Variants in ADD1 observed in about 807,000 individuals in gnomAD.
ADD1 encodes adducin 1, also known as alpha-adducin.
A neutral mutation model predicts 80.5 loss-of-function variants in ADD1; 24 were observed. The ratio of observed to expected loss-of-function variants is 0.30; its 90% confidence interval spans 0.22 to 0.42. ADD1 has a LOEUF of 0.42. ADD1 is among the 10% of genes least tolerant of loss of function. ADD1 has a pLI of 1.00. For synonymous variants in ADD1, 373 were observed against 393.8 expected (o/e 0.95, Z 0.63); for missense variants, 948 against 1,019.0 (o/e 0.93, Z 0.95).
chr4:2,908,641 T>C, intron 12 of ADD1, 37 bp downstream of exon 12: 2 of 1,563,692 alleles, frequency 1.3e-6, no homozygotes, highest in South Asian at 2.2e-5. Context: ...TAGTGGGTGG[T>C]GGCTGTGTGA....
chr4:2,876,132 C>G, intron 2 of ADD1, 22 bp downstream of exon 2: 3 of 1,602,498 alleles, frequency 1.9e-6, no homozygotes. Context: ...AGTCTTTTCT[C>G]TGACCAGATG....
In ADD1 at chr4:2,865,680, C is replaced by T. The variant is rs564452888; in HGVS notation, c.-20-10216C>T. 4.6e-5 allele frequency among the ~76,000 whole-genome samples: 7 copies of T among 152,232 alleles called. No homozygotes were observed. The South Asian group carries it at 1.5e-3, about 32-fold the overall frequency. On this transcript the variant is annotated intron_variant, in intron 1 of 15. Coordinates refer to ENST00000683351, the MANE Select transcript of ADD1 (RefSeq NM_001354761.2). Reference sequence around the variant, plus strand: ...CTACAATCCTGCCAAACTTCCCTACCTTCCCCCTGCTCCAGAAAAATAAAA... The same window carrying T: ...CTACAATCCTGCCAAACTTCCCTACTTTCCCCCTGCTCCAGAAAAATAAAA...
chr4:2,928,503 A>T lies in ADD1; in HGVS notation c.2380A>T (p.Lys794Ter). The T allele has an allele frequency of 6.2e-7, 1 of 1,613,322 alleles. No individual in the cohort carries two copies. Among genetic ancestry groups the T allele is most frequent in the Non-Finnish European group, 8.5e-7 (1 of 1,179,798 alleles). Residue 794 changes from lysine (K) to a stop codon, truncating the protein, a stop_gained, in exon 16 of 16, where the codon AAG becomes TAG. Transcript: ENST00000683351. LOFTEE classifies it high-confidence loss of function. ...FRTPSFLKKSKKKSDS is the reference protein window; with the variant it reads ...FRTPSFLKKS ...TACCCCGTCCTTTCTGAAGAAGAGC[A>T]AGAAGAAGAGTGACTCCTGAAAGCC...
chr4:2,926,879 C>T lies in ADD1; in HGVS notation c.2047+767C>T, dbSNP rs1377655354. 2.0e-5 allele frequency among the ~76,000 whole-genome samples: 3 copies of T among 152,224 alleles called. No individual in the cohort carries two copies. The highest frequency in any genetic ancestry group is 1.9e-4 in the East Asian group (1 of 5,196). ...GTGCTGCCTTCAGCGGCAGCGGGTA[C>T]CTCCACGCACCTAGGTGCCATGGAG... On this transcript the variant is annotated intron_variant, in intron 15 of 15. Transcript: ENST00000683351. The surrounding 1 kb of genome is among the most constrained non-coding windows in gnomAD (Gnocchi z 5.0).
At chr4:2,923,376 C>T (rs529076303) in intron 14 of ADD1, among the ~76,000 whole-genome samples, 1 of 152,176 alleles carries the variant, frequency 6.6e-6, no homozygotes, top group Non-Finnish European at 1.5e-5. Flanking sequence ...TCATGGCTTC[C>T]CTTGGCTAGA....
chr4:2,857,716 G>A (rs1052220672), intron 1 of ADD1, among the ~76,000 whole-genome samples: 2 of 152,214 alleles, frequency 1.3e-5, no homozygotes, highest in South Asian at 2.1e-4. Context: ...GGTGTATTCA[G>A]TGTGAGGTTG....
At chr4:2,920,751 C>G (rs1739883179) in intron 14 of ADD1, among the ~76,000 whole-genome samples, 1 of 141,584 alleles carries the variant, frequency 7.1e-6, no homozygotes, top group Non-Finnish European at 1.6e-5. Flanking sequence ...GACAGGTCTC[C>G]TGAATACAGC....
rs1261616920 is a variant in ADD1, at chr4:2,929,932, T to A, written c.*1409T>A. 1 of 152,690 alleles carries A rather than the reference T, an allele frequency of 6.5e-6. No homozygotes were observed. The highest frequency in any genetic ancestry group is 1.9e-4 in the East Asian group (1 of 5,204). The allele number at this position is 152,690 out of a possible 1,614,324, so 9.5% of individuals were successfully genotyped here. A position where few individuals can be genotyped will look rare whatever the true frequency, so the allele number is the denominator to read the frequency against. On this transcript the variant is annotated 3_prime_UTR_variant, in exon 16 of 16. Transcript: ENST00000683351. Reference sequence around the variant, plus strand: ...ATGCAATGACTTTTAATTTTCACTTTTGTAGTTTAATCCTTTGTATTACAA... The same window carrying A: ...ATGCAATGACTTTTAATTTTCACTTATGTAGTTTAATCCTTTGTATTACAA...
rs1210560011 is a variant in ADD1 at position 2,876,748 on chromosome 4, A to G, written c.195+638A>G. The stretch of plus-strand genomic sequence containing the variant: ...CAGCAACTCGGGAGGCTGAGGCAGG[A>G]GAATGGCGTGAACCCGGGAGGCGGA... On this transcript the variant is annotated intron_variant, in intron 2 of 15. Coordinates refer to ENST00000683351, the MANE Select transcript of ADD1 (RefSeq NM_001354761.2). 2.0e-5 allele frequency among the ~76,000 whole-genome samples: 3 copies of G among 152,074 alleles called. No homozygotes were observed. In the East Asian group the frequency reaches 5.8e-4, roughly 29 times the overall value.
intron 2 of ADD1, among the ~76,000 whole-genome samples, chr4:2,879,205 G>C (rs959108473): frequency 2.6e-5 from 4 of 152,156 alleles, no homozygotes; most frequent in African/African-American, 9.7e-5. Context: ...GGAGCCAAAC[G>C]TTAAGATCCA....
chr4:2,894,507 T>TAA (rs1301129450), intron 5 of ADD1, 75 bp from the exon 6 acceptor site: 2 of 957,690 alleles, frequency 2.1e-6, no homozygotes, highest in East Asian at 3.8e-5. Context: ...CCAGACCCTA[T>TAA]CAAAAAAAAA....
At chr4:2,852,446 C>A (rs1381006346) in intron 1 of ADD1, among the ~76,000 whole-genome samples, 1 of 149,566 alleles carries the variant, frequency 6.7e-6, no homozygotes, top group Admixed American at 6.7e-5. Context: ...TGTGCCCCAG[C>A]GTACTGAGTA....
At chr4:2,903,779 A>G (rs1235496780) in intron 9 of ADD1, among the ~76,000 whole-genome samples, 1 of 152,104 alleles carries the variant, frequency 6.6e-6, no homozygotes, top group Non-Finnish European at 1.5e-5. Flanking sequence ...ACACTTACCA[A>G]GTGTGGCCAG....
intron 1 of ADD1, among the ~76,000 whole-genome samples, chr4:2,846,306 A>T (rs1175789066): frequency 2.0e-5 from 3 of 152,170 alleles, no homozygotes; most frequent in Non-Finnish European, 2.9e-5. Flanking sequence ...CACAGTCTCA[A>T]TTTTACTCTG....
Position 2,928,511 on chromosome 4 carries a change from G to T in ADD1, c.2388G>T (p.Lys796Asn), listed in dbSNP as rs772724411. 8 of 1,613,034 alleles carry T rather than the reference G, an allele frequency of 5.0e-6. No homozygotes were observed. The highest frequency in any genetic ancestry group is 6.8e-6 in the Non-Finnish European group (8 of 1,179,780). ...TPSFLKKSKK[K>N]SDS ...CCTTTCTGAAGAAGAGCAAGAAGAA[G>T]AGTGACTCCTGAAAGCCCTGCGCTA... is the stretch of plus-strand genomic sequence containing the variant. The change falls in exon 16 of 16, where the codon AAG (lysine) becomes AAT (asparagine). Residue 796 changes from lysine to asparagine, a missense_variant. Physicochemically the swap from Lys to Asn is moderately conservative, Grantham distance 94. Transcript: ENST00000683351.
intron 13 of ADD1, among the ~76,000 whole-genome samples, chr4:2,910,912 T>C (rs1737909507): frequency 6.6e-6 from 1 of 152,198 alleles, no homozygotes; most frequent in Non-Finnish European, 1.5e-5. Context: ...CCTTTGTGTT[T>C]TCTCTACCTC....
intron 11 of ADD1, among the ~76,000 whole-genome samples, chr4:2,908,298 G>A (rs552686829): frequency 1.3e-5 from 2 of 152,356 alleles, no homozygotes; most frequent in African/African-American, 4.8e-5. Context: ...GGAAGATGTG[G>A]GGAGCTGGGA....
chr4:2,883,514 T>TTTTG (rs938035383), intron 3 of ADD1, among the ~76,000 whole-genome samples: 21 of 152,130 alleles, frequency 1.4e-4, no homozygotes, highest in African/African-American at 5.1e-4. Flanking sequence ...AATTATGTTT[T>TTTTG]TTTGTTTGTT....
rs572335872 is a variant in ADD1 at position 2,867,218 on chromosome 4, G to A, written c.-20-8678G>A. 4.2e-4 allele frequency among the ~76,000 whole-genome samples: 64 copies of A among 152,308 alleles called. 1 individual carries two copies. The Middle Eastern group carries it at 0.01, about 24-fold the overall frequency. On this transcript the variant is annotated intron_variant, in intron 1 of 15. Coordinates refer to ENST00000683351, the MANE Select transcript of ADD1 (RefSeq NM_001354761.2). ...TCTTTATAGGGTCTTTAGACAATTC[G>A]TGGTCACTTTTCTGGATCCCTTGCA...
Sources: gnomAD v4.1 joint callset for allele counts (sites outside exome capture counted in the v4.1 genomes callset) on GRCh38, gnomAD v4.1.1 for gene constraint, Gnocchi (gnomAD v3.1) non-coding constraint, MANE v1.5 for transcripts, NCBI Gene and HGNC (gene_info 2026-07-23, HGNC 2026-07-21) for gene names.